Variants in LRRC72 observed in about 807,000 individuals in gnomAD.
LRRC72 encodes leucine rich repeat containing 72.
LRRC72 carries 41 observed loss-of-function variants against 35.8 expected under a neutral mutation model. That is an observed-to-expected ratio of 1.15 (90% confidence interval 0.89 to 1.49). The LOEUF is 1.49. Ranked by LOEUF, LRRC72 falls within the 40% of genes most tolerant of loss-of-function variation. The probability of loss-of-function intolerance (pLI) is 0.00; values close to 1 mark genes in which losing one functional copy is unlikely to be tolerated. For synonymous variants in LRRC72, 118 were observed against 119.2 expected (o/e 0.99, Z 0.07); for missense variants, 389 against 330.7 (o/e 1.18, Z -1.37).
At chr7:16,541,418 A>G (rs1199307567) in intron 3 of LRRC72, among the ~76,000 whole-genome samples, 1 of 152,232 alleles carries the variant, frequency 6.6e-6, no homozygotes, top group African/African-American at 2.4e-5. Flanking sequence ...ATTTTATTTC[A>G]TTCTTAGTCT....
intron 3 of LRRC72, among the ~76,000 whole-genome samples, chr7:16,552,536 G>C (rs576595400): frequency 2.0e-5 from 3 of 152,306 alleles, no homozygotes; most frequent in African/African-American, 7.2e-5. Context: ...ATGTTGCTTA[G>C]TGCCGGTGTT....
intron 2 of LRRC72, among the ~76,000 whole-genome samples, chr7:16,534,860 T>C (rs1782226333): frequency 6.6e-6 from 1 of 152,014 alleles, no homozygotes; most frequent in African/African-American, 2.4e-5. Context: ...ATATATACAG[T>C]GAGAGAGGAG....
intron 7 of LRRC72, among the ~76,000 whole-genome samples, chr7:16,576,012 G>A (rs1004130834): frequency 6.6e-6 from 1 of 152,050 alleles, no homozygotes; most frequent in South Asian, 2.1e-4. Context: ...ACAAAATCAG[G>A]AGCAGAAAAG....
chr7:16,553,271 C>T (rs1355837078), intron 3 of LRRC72, among the ~76,000 whole-genome samples: 1 of 152,150 alleles, frequency 6.6e-6, no homozygotes, highest in East Asian at 1.9e-4. Flanking sequence ...AATTAAAGAG[C>T]TCAGTTATGA....
chr7:16,532,656 T>C (rs1161023295), intron 2 of LRRC72, 88 bp downstream of exon 2: 18 of 1,083,358 alleles, frequency 1.7e-5, no homozygotes, highest in Non-Finnish European at 2.2e-5. Flanking sequence ...TTATTTTCCA[T>C]TTTTCCCCCT....
chr7:16,542,649 G>A (rs1043565168), intron 3 of LRRC72, among the ~76,000 whole-genome samples: 1 of 152,206 alleles, frequency 6.6e-6, no homozygotes, highest in Non-Finnish European at 1.5e-5. Context: ...TCCAAAGAAA[G>A]CAATCAGATA....
intron 3 of LRRC72, among the ~76,000 whole-genome samples, chr7:16,552,118 G>A (rs1486089739): frequency 1.3e-5 from 2 of 152,154 alleles, no homozygotes; most frequent in Admixed American, 6.5e-5. Flanking sequence ...GTGTGTGAGA[G>A]CAGAGGAGAA....
chr7:16,581,217 A>G (rs1275739549), intron 8 of LRRC72, 107 bp from the exon 9 acceptor site: 9 of 1,048,994 alleles, frequency 8.6e-6, no homozygotes, highest in Non-Finnish European at 1.2e-5. Flanking sequence ...TATACTACAA[A>G]TAACACAGAA....
chr7:16,555,040 AG>A (rs1216865058), intron 3 of LRRC72, among the ~76,000 whole-genome samples: 1 of 152,206 alleles, frequency 6.6e-6, no homozygotes, highest in Non-Finnish European at 1.5e-5. Context: ...TGCTGCCAGG[AG>A]GCCAGTGGGA....
intron 6 of LRRC72, 129 bp from the exon 7 acceptor site, chr7:16,567,262 C>A: frequency 1.5e-6 from 1 of 664,228 alleles, no homozygotes; most frequent in South Asian, 3.8e-5. Flanking sequence ...CTTTACAAAA[C>A]AGTTTTGACA....
chr7:16,571,444 C>T (rs1017815276), intron 7 of LRRC72, among the ~76,000 whole-genome samples: 1 of 152,172 alleles, frequency 6.6e-6, no homozygotes, highest in Non-Finnish European at 1.5e-5. Flanking sequence ...CAACTCTGAG[C>T]GAGATCCACA....
chr7:16,528,406 G>A (rs984588335), intron 1 of LRRC72, among the ~76,000 whole-genome samples: 1 of 151,730 alleles, frequency 6.6e-6, no homozygotes, highest in Non-Finnish European at 1.5e-5. Context: ...GTTCCACCAG[G>A]GCCTCAATTT....
chr7:16,562,857 G>T (rs1782766639), intron 5 of LRRC72, among the ~76,000 whole-genome samples: 1 of 152,188 alleles, frequency 6.6e-6, no homozygotes, highest in African/African-American at 2.4e-5. Context: ...AGGATATTCT[G>T]ATCCCTCCTC....
chr7:16,532,796 T>C, intron 2 of LRRC72: 1 of 589,220 alleles, frequency 1.7e-6, no homozygotes, highest in South Asian at 1.7e-5. Context: ...ATCCCAGCTC[T>C]GTCTCTTCCA....
intron 2 of LRRC72, among the ~76,000 whole-genome samples, chr7:16,534,951 A>T (rs1482252840): frequency 1.3e-5 from 2 of 152,184 alleles, no homozygotes; most frequent in African/African-American, 4.8e-5. Flanking sequence ...TAATCCCAAC[A>T]CGTTGAGAGG....
At chr7:16,546,423 A>C (rs1399428521) in intron 3 of LRRC72, among the ~76,000 whole-genome samples, 1 of 152,094 alleles carries the variant, frequency 6.6e-6, no homozygotes, top group Admixed American at 6.5e-5. Context: ...TAATGCCAGG[A>C]GATGCCCCCC....
At chr7:16,560,716 A>G (rs1782731351) in intron 5 of LRRC72, among the ~76,000 whole-genome samples, 1 of 151,960 alleles carries the variant, frequency 6.6e-6, no homozygotes, top group Non-Finnish European at 1.5e-5. Context: ...GTTTCTCACC[A>G]TTAATGTTAT....
At chr7:16,571,570 C>G (rs1456276175) in intron 7 of LRRC72, among the ~76,000 whole-genome samples, 1 of 152,156 alleles carries the variant, frequency 6.6e-6, no homozygotes, top group Admixed American at 6.5e-5. Context: ...GGGGTGTCGC[C>G]TCACCCGGGA....
chr7:16,551,324 T>C (rs1310882521), intron 3 of LRRC72, among the ~76,000 whole-genome samples: 1 of 152,180 alleles, frequency 6.6e-6, no homozygotes, highest in Non-Finnish European at 1.5e-5. Context: ...GAAATATATG[T>C]TTAGTCCCAG....
Sources: gnomAD v4.1 joint callset for allele counts (sites outside exome capture counted in the v4.1 genomes callset) on GRCh38, gnomAD v4.1.1 for gene constraint, MANE v1.5 for transcripts, NCBI Gene and HGNC (gene_info 2026-07-23, HGNC 2026-07-21) for gene names.